Variants in TRRAP observed in about 807,000 individuals in gnomAD.
The protein encoded by TRRAP is transformation/transcription domain associated protein.
In TRRAP, 41 loss-of-function variants were observed where a neutral mutation model predicts 438.8. The ratio of observed to expected loss-of-function variants is 0.09; its 90% confidence interval spans 0.07 to 0.12. The LOEUF (loss-of-function observed/expected upper bound fraction) is 0.12, where lower values mean the gene tolerates loss of function less well. TRRAP is among the 10% of genes least tolerant of loss of function. The pLI is 1.00. For missense variants in TRRAP, 3,122 were observed against 5,055.1 expected, an observed-to-expected ratio of 0.62 and a Z score of 11.60; for synonymous variants, 1,994 against 1,962.9, an observed-to-expected ratio of 1.02 and a Z score of -0.42.
chr7:98,917,850 G>A (rs184664613), intron 20 of TRRAP, among the ~76,000 whole-genome samples, 171 bp downstream of exon 20: 10 of 152,196 alleles, frequency 6.6e-5, no homozygotes, highest in Non-Finnish European at 1.5e-4. Context: ...GGCCGGGCAC[G>A]GTGTCTCCTG....
At chr7:98,882,924 G>T (rs1584261738) in intron 3 of TRRAP, among the ~76,000 whole-genome samples, 2 of 152,232 alleles carry the variant, frequency 1.3e-5, no homozygotes, top group African/African-American at 4.8e-5. Flanking sequence ...CTCCCATAGT[G>T]CTGGGATTAC....
intron 61 of TRRAP, 98 bp downstream of exon 61, chr7:98,984,456 G>T: frequency 1.4e-6 from 2 of 1,421,246 alleles, no homozygotes; most frequent in South Asian, 1.6e-5. Flanking sequence ...TATAAGGAAG[G>T]TGGACTCGAA....
At chr7:98,923,174 TA>T (rs1243758379) in intron 21 of TRRAP, among the ~76,000 whole-genome samples, 1 of 152,224 alleles carries the variant, frequency 6.6e-6, no homozygotes, top group African/African-American at 2.4e-5. Context: ...ATTGGATGGC[TA>T]AAATTCTGTC....
intron 11 of TRRAP, among the ~76,000 whole-genome samples, chr7:98,901,379 A>G (rs187977499): frequency 2.0e-5 from 3 of 152,224 alleles, no homozygotes; most frequent in Non-Finnish European, 4.4e-5. Flanking sequence ...CTCTGTGTCC[A>G]GATACAGTCA....
intron 57 of TRRAP, 103 bp from the exon 58 acceptor site, chr7:98,978,666 T>C (rs1309884107): frequency 1.8e-5 from 27 of 1,495,608 alleles, no homozygotes; most frequent in Non-Finnish European, 2.4e-5. Flanking sequence ...GTGTTGTTCT[T>C]CTGTAGAATG....
intron 59 of TRRAP, among the ~76,000 whole-genome samples, chr7:98,982,318 G>A (rs765274080): frequency 7.9e-5 from 12 of 152,150 alleles, no homozygotes; most frequent in South Asian, 2.1e-4. Context: ...AATGTTTTCC[G>A]AAATCTGAAT....
Position 98,981,846 on chromosome 7 carries a change from G to A in TRRAP, c.8712G>A (p.Glu2904=). Residue 2904 remains glutamate (E), a synonymous_variant, in exon 59 of 73, where the codon GAG becomes GAA. Coordinates refer to ENST00000456197, the MANE Select transcript of TRRAP (RefSeq NM_001375524.1). ...GATACCTGGCCATCTGCCACCCCGA[G>A]GAGCAGCAGCTCAGCTTCATCGAGC... ...YRGYLAICHP[E]EQQLSFIERL... 2 of 1,607,620 alleles carry A rather than the reference G, an allele frequency of 1.2e-6. No homozygotes were observed. The highest frequency in any genetic ancestry group is 1.7e-6 in the Non-Finnish European group (2 of 1,177,730).
Position 98,881,967 on chromosome 7 carries a change from G to A in TRRAP, c.101-8G>A, listed in dbSNP as rs563597394. On this transcript the variant is annotated splice_region_variant and splice_polypyrimidine_tract_variant and intron_variant, in intron 2 of 72. Coordinates refer to ENST00000456197, the MANE Select transcript of TRRAP (RefSeq NM_001375524.1). ...TCAATTACCTGATGCTTGTTTTGCC[G>A]TTCACAGCTGATGAAACAAAGTTGA... 68 of 1,609,812 alleles carry A rather than the reference G, an allele frequency of 4.2e-5. No individual in the cohort carries two copies. The highest frequency in any genetic ancestry group is 8.9e-5 in the South Asian group (8 of 89,794).
At position 98,890,406 on chromosome 7, in the gene TRRAP, A is replaced by C; in HGVS notation, c.222A>C (p.Gln74His). 1 of 1,605,042 alleles carries C rather than the reference A, an allele frequency of 6.2e-7. No individual in the cohort carries two copies. Residue 74 changes from glutamine to histidine, a missense_variant, in exon 4 of 73, where the codon CAA (glutamine) becomes CAC (histidine). This residue lies in a region of TRRAP where 343 missense variants were observed against 564.0 expected (regional missense o/e 0.61). Transcript: ENST00000456197. ...TCCCTCGATTCCTTACATTTCTCCAAGATGGAGAAGTTCAGTTTCTTCAGG... is the reference window on the plus strand; with the variant it reads ...TCCCTCGATTCCTTACATTTCTCCACGATGGAGAAGTTCAGTTTCTTCAGG... ...HIIPRFLTFL[Q>H]DGEVQFLQEK...
At position 98,901,418 on chromosome 7, in the gene TRRAP, A is replaced by G. The variant is rs573641793; in HGVS notation, c.897+698A>G. Among the ~76,000 whole-genome samples, 4 of 152,336 alleles carry G rather than the reference A, an allele frequency of 2.6e-5. No homozygotes were observed. In the South Asian group the frequency reaches 8.3e-4, roughly 32 times the overall value. On this transcript the variant is annotated intron_variant, in intron 11 of 72. Coordinates refer to ENST00000456197, the MANE Select transcript of TRRAP (RefSeq NM_001375524.1). ...ATGGAGTTAGGGCTTTCACATGGGA[A>G]TTTTAAGGGGATGCAGCTCAATCCA...
At chr7:98,892,350 C>G (rs1450443977) in intron 4 of TRRAP, 74 bp from the exon 5 acceptor site, 4 of 1,234,860 alleles carry the variant, frequency 3.2e-6, no homozygotes, top group African/African-American at 1.5e-5. Flanking sequence ...GTGACACTTG[C>G]AGAGTGTGAG....
At chr7:98,980,411 G>GA (rs1287441726) in intron 58 of TRRAP, among the ~76,000 whole-genome samples, 1 of 152,060 alleles carries the variant, frequency 6.6e-6, no homozygotes, top group South Asian at 2.1e-4. Context: ...AAACTTTCAT[G>GA]AAAAAAATTT....
At chr7:98,992,815 A>G in intron 65 of TRRAP, among the ~76,000 whole-genome samples, 1 of 152,194 alleles carries the variant, frequency 6.6e-6, no homozygotes, top group East Asian at 1.9e-4. Flanking sequence ...TGAGTCTCCT[A>G]AGGGCCGTGG....
chr7:98,988,248 C>T (rs938695473), intron 62 of TRRAP, among the ~76,000 whole-genome samples: 13 of 152,282 alleles, frequency 8.5e-5, no homozygotes, highest in African/African-American at 3.1e-4. Context: ...CATAGAGTTC[C>T]CACGTGACCA....
At chr7:98,915,411 C>T (rs782072562) in intron 18 of TRRAP, among the ~76,000 whole-genome samples, 25 of 152,114 alleles carry the variant, frequency 1.6e-4, no homozygotes, top group Non-Finnish European at 3.5e-4. Context: ...AGGCTGATCT[C>T]GTACTCCTAA....
intron 6 of TRRAP, 44 bp downstream of exon 6, chr7:98,893,925 C>T (rs1216348896): frequency 9.5e-6 from 15 of 1,577,038 alleles, no homozygotes; most frequent in Non-Finnish European, 1.3e-5. Context: ...AGTGTGTCAA[C>T]ATGTTCCTTC....
chr7:98,945,611 TTAC>T lies in TRRAP; in HGVS notation c.4474-134_4474-132del. On this transcript the variant is annotated intron_variant, in intron 31 of 72. Coordinates refer to ENST00000456197, the MANE Select transcript of TRRAP (RefSeq NM_001375524.1). ...CTTTTTGCTGTTGAGCATTTGTTAA[TTAC>T]TGTGTGCTTTCTGATAATTTGTGTC... The T allele has an allele frequency of 1.2e-5, 12 of 972,878 alleles. No individual in the cohort carries two copies. In the South Asian group the frequency reaches 2.0e-4, roughly 17 times the overall value. 60.3% of individuals were successfully genotyped at this position (972,878 alleles called of 1,614,324 possible).
chr7:99,012,654 C>CT lies in TRRAP; in HGVS notation c.*306dup. 2.3e-6 allele frequency: 1 copy of CT among 426,312 alleles called. No homozygotes were observed. Among genetic ancestry groups the CT allele is most frequent in the East Asian group, 4.5e-5 (1 of 22,326 alleles). 26.4% of individuals were successfully genotyped at this position (426,312 alleles called of 1,614,324 possible). ...CCGGTCTGGAATTTCTGAGTGAGTCCTTTTTTTATGGTGTCCTCCCTCTGT... is the reference window on the plus strand; with the variant it reads ...CCGGTCTGGAATTTCTGAGTGAGTCCTTTTTTTTATGGTGTCCTCCCTCTGT... On this transcript the variant is annotated 3_prime_UTR_variant, in exon 73 of 73. Transcript: ENST00000456197. This position sits in a 1 kb window ranked among gnomAD's most constrained non-coding sequence, Gnocchi z 5.9.
At chr7:98,909,041 T>TTTA in intron 14 of TRRAP, 79 bp downstream of exon 14, 1 of 1,069,308 alleles carries the variant, frequency 9.4e-7, no homozygotes, top group South Asian at 1.6e-5. Context: ...TTTTTTTTTT[T>TTTA]GAGACAGATC....
Sources: gnomAD v4.1 joint callset for allele counts (sites outside exome capture counted in the v4.1 genomes callset) on GRCh38, gnomAD v4.1.1 for gene constraint, gnomAD v4.1.1 regional missense constraint, Gnocchi (gnomAD v3.1) non-coding constraint, MANE v1.5 for transcripts, NCBI Gene and HGNC (gene_info 2026-07-23, HGNC 2026-07-21) for gene names.